The following ZPLD1 variants were observed in gnomAD, a reference collection of about 807,000 sequenced individuals.
ZPLD1 encodes zona pellucida like domain containing 1.
A neutral mutation model predicts 47.2 loss-of-function variants in ZPLD1; 34 were observed. The ratio of observed to expected loss-of-function variants is 0.72; its 90% CI spans 0.55 to 0.96. ZPLD1 has a LOEUF of 0.96. Among genes scored for constraint, ZPLD1 ranks in the 40% least tolerant of loss-of-function variants. ZPLD1 has a pLI of 0.00. For synonymous variants in ZPLD1, 176 were observed against 186.2 expected (o/e 0.95, Z 0.45); for missense variants, 512 against 505.8 (o/e 1.01, Z -0.12).
intron 6 of ZPLD1, among the ~76,000 whole-genome samples, chr3:102,386,432 C>A (rs1184973676): frequency 1.3e-5 from 2 of 151,706 alleles, no homozygotes; most frequent in Non-Finnish European, 2.9e-5. Context: ...TTTTTTAATT[C>A]TTTCATCACA....
rs1385305169 is a variant in ZPLD1, at chr3:102,464,258, CTTAGCTGTCTAAGTATTATA to C, written c.761+10_761+29del. On this transcript the variant is annotated splice_region_variant and intron_variant, in intron 8 of 11. Transcript: ENST00000466937. ...GATATGATCTTTTCCTTAGGTAAGA[CTTAGCTGTCTAAGTATTATA>C]TTGATACCAATGACCCAGTTGTAGA... 3 of 1,596,922 alleles carry C rather than the reference CTTAGCTGTCTAAGTATTATA, an allele frequency of 1.9e-6. No homozygotes were observed. The highest frequency in any genetic ancestry group is 2.6e-6 in the Non-Finnish European group (3 of 1,164,702).
At chr3:102,433,950 T>G (rs573841068), upstream of ZPLD1, among the ~76,000 whole-genome samples, 1 of 152,224 alleles carries the variant, frequency 6.6e-6, no homozygotes, top group African/African-American at 2.4e-5. Flanking sequence ...ATCTTAAGCA[T>G]ACATTATTAA....
chr3:102,474,981 A>AT (rs996306510), intron 10 of ZPLD1, among the ~76,000 whole-genome samples: 16 of 151,744 alleles, frequency 1.1e-4, no homozygotes, highest in East Asian at 1.9e-4. Context: ...CAGTGCTTTG[A>AT]TTTTTTTTGT....
chr3:102,471,879 C>A (rs1576168763), intron 10 of ZPLD1, among the ~76,000 whole-genome samples: 1 of 152,016 alleles, frequency 6.6e-6, no homozygotes, highest in Non-Finnish European at 1.5e-5. Flanking sequence ...AATTTCCCCC[C>A]AAAAAAGAGA....
Position 102,477,567 on chromosome 3 carries a change from G to A in ZPLD1, c.1197G>A (p.Lys399=), listed in dbSNP as rs1283666766. 5.0e-6 allele frequency: 8 copies of A among 1,613,660 alleles called. No homozygotes were observed. The highest frequency in any genetic ancestry group is 1.7e-5 in the Admixed American group (1 of 59,984). The change falls in exon 12 of 12, where the codon AAG becomes AAA. Residue 399 remains lysine (K), a synonymous_variant. Coordinates refer to ENST00000466937, the MANE Select transcript of ZPLD1 (RefSeq NM_001329788.2). ...LLCSLALLHR[K]GPTSLVLNGI... is the part of the protein sequence containing the mutation. Reference sequence around the variant, plus strand: ...GCTCACTGGCCCTTCTGCACAGGAAGGGACCCACAAGTTTAGTGTTGAATG... The same window carrying A: ...GCTCACTGGCCCTTCTGCACAGGAAAGGACCCACAAGTTTAGTGTTGAATG...
chr3:102,473,089 T>G (rs1707709208), intron 10 of ZPLD1, among the ~76,000 whole-genome samples: 1 of 152,132 alleles, frequency 6.6e-6, no homozygotes, highest in Non-Finnish European at 1.5e-5. Flanking sequence ...ATTTATTCAC[T>G]ATTATGAGAA....
chr3:102,419,836 T>A (rs1706854976), intron 8 of ZPLD1, among the ~76,000 whole-genome samples: 1 of 151,858 alleles, frequency 6.6e-6, no homozygotes, highest in Non-Finnish European at 1.5e-5. Context: ...CTCATTTAAG[T>A]ACCTATTAGA....
intron 7 of ZPLD1, among the ~76,000 whole-genome samples, chr3:102,393,028 C>G (rs1386277458): frequency 1.3e-5 from 2 of 152,114 alleles, no homozygotes; most frequent in Admixed American, 1.3e-4. Context: ...ACACATGTAT[C>G]TGGTACGTCT....
intron 1 of ZPLD1, among the ~76,000 whole-genome samples, chr3:102,436,438 A>G (rs1423458323): frequency 6.6e-6 from 1 of 152,240 alleles, no homozygotes; most frequent in East Asian, 1.9e-4. Flanking sequence ...TTATAAATGA[A>G]CAGATCTATT....
chr3:102,433,175 A>G (rs1220111970), upstream of ZPLD1, among the ~76,000 whole-genome samples: 3 of 152,234 alleles, frequency 2.0e-5, no homozygotes, highest in Non-Finnish European at 1.5e-5. Flanking sequence ...ATCAGTATAC[A>G]CAAGAATAAA....
chr3:102,387,430 T>G (rs762075260), intron 6 of ZPLD1, among the ~76,000 whole-genome samples: 2 of 152,192 alleles, frequency 1.3e-5, no homozygotes, highest in African/African-American at 2.4e-5. Flanking sequence ...TTCACCTCTT[T>G]TGTATTCTGT....
At chr3:102,399,380 C>T (rs1706594199) in intron 7 of ZPLD1, among the ~76,000 whole-genome samples, 1 of 152,096 alleles carries the variant, frequency 6.6e-6, no homozygotes, top group Non-Finnish European at 1.5e-5. Context: ...CACCTCACTT[C>T]AGTCATGGGT....
intron 10 of ZPLD1, among the ~76,000 whole-genome samples, chr3:102,472,195 A>G (rs1349466175): frequency 6.6e-6 from 1 of 152,214 alleles, no homozygotes; most frequent in African/African-American, 2.4e-5. Flanking sequence ...AACTTAGCCC[A>G]TACTCCCTGA....
At chr3:102,413,592 T>G (rs1280337856) in intron 7 of ZPLD1, among the ~76,000 whole-genome samples, 2 of 151,760 alleles carry the variant, frequency 1.3e-5, no homozygotes, top group African/African-American at 2.4e-5. Context: ...CATGCAACTT[T>G]GATGCTGGGC....
chr3:102,410,424 C>G (rs759853151), intron 7 of ZPLD1, among the ~76,000 whole-genome samples: 1 of 151,606 alleles, frequency 6.6e-6, no homozygotes. Context: ...CTCATGAAAG[C>G]CTGAAATTCT....
chr3:102,436,662 T>C (rs907274414), intron 1 of ZPLD1, among the ~76,000 whole-genome samples, 198 bp from the exon 2 acceptor site: 2 of 152,252 alleles, frequency 1.3e-5, no homozygotes, highest in African/African-American at 4.8e-5. Context: ...GCAGTAATAA[T>C]TGTAACCTCA....
intron 7 of ZPLD1, among the ~76,000 whole-genome samples, chr3:102,407,276 C>T (rs1272945432): frequency 6.7e-6 from 1 of 150,002 alleles, no homozygotes; most frequent in Non-Finnish European, 1.5e-5. Context: ...GGTAGGAATA[C>T]AGATAAGTTA....
intron 9 of ZPLD1, among the ~76,000 whole-genome samples, chr3:102,469,478 A>G (rs1165162506): frequency 1.3e-5 from 2 of 152,242 alleles, no homozygotes; most frequent in Non-Finnish European, 2.9e-5. Context: ...CCATTGTGAG[A>G]GAGATGAAGC....
At chr3:102,452,079 C>T (rs1023505956) in intron 3 of ZPLD1, among the ~76,000 whole-genome samples, 1 of 150,374 alleles carries the variant, frequency 6.7e-6, no homozygotes, top group African/African-American at 2.5e-5. Context: ...TTCTACATTA[C>T]ATGTAGAAAA....
Sources: gnomAD v4.1 joint callset for allele counts (sites outside exome capture counted in the v4.1 genomes callset) on GRCh38, gnomAD v4.1.1 for gene constraint, MANE v1.5 for transcripts, NCBI Gene and HGNC (gene_info 2026-07-23, HGNC 2026-07-21) for gene names.